STAM2: variants seen among roughly 807,000 people sequenced by gnomAD.
The protein encoded by STAM2 is signal transducing adaptor molecule 2.
Under a neutral mutation model 65.6 loss-of-function variants are expected in STAM2, and 51 were observed. That is an observed-to-expected ratio of 0.78 (90% CI 0.62 to 0.98). STAM2 has a LOEUF of 0.98. Ranked by LOEUF, STAM2 falls within the 50% of genes least tolerant of loss-of-function variation. The pLI, the probability that STAM2 is intolerant of heterozygous loss-of-function variation, is 0.00. For missense variants in STAM2, 584 were observed against 617.8 expected, an observed-to-expected ratio of 0.95 and a Z score of 0.58; for synonymous variants, 198 against 208.4, an observed-to-expected ratio of 0.95 and a Z score of 0.43.
chr2:152,131,889 T>G, intron 11 of STAM2: 1 of 512,124 alleles, frequency 2.0e-6, no homozygotes, highest in Non-Finnish European at 3.5e-6. Context: ...AAGTAAGCCA[T>G]GCAAAATTTT....
chr2:152,168,471 C>T (rs1011325862), intron 1 of STAM2, among the ~76,000 whole-genome samples: 28 of 152,076 alleles, frequency 1.8e-4, no homozygotes, highest in African/African-American at 6.5e-4. Context: ...AGGCCTATTA[C>T]ACGCAACACC....
At chr2:152,173,547 C>T (rs915313541) in intron 1 of STAM2, among the ~76,000 whole-genome samples, 2 of 151,884 alleles carry the variant, frequency 1.3e-5, no homozygotes, top group Admixed American at 6.6e-5. Context: ...CAGGCACGCG[C>T]CACCATGCCT....
intron 5 of STAM2, among the ~76,000 whole-genome samples, chr2:152,145,580 A>G (rs191336760): frequency 1.3e-5 from 2 of 152,338 alleles, no homozygotes; most frequent in East Asian, 1.9e-4. Context: ...CCCGATCTCA[A>G]TTGTCCAAGG....
intron 1 of STAM2, 40 bp from the exon 2 acceptor site, chr2:152,150,269 CTCATA>C (rs1207763642): frequency 1.0e-5 from 13 of 1,277,462 alleles, no homozygotes; most frequent in Non-Finnish European, 1.5e-5. Flanking sequence ...GAGGACACAT[CTCATA>C]TAACACTAAA....
intron 1 of STAM2, among the ~76,000 whole-genome samples, chr2:152,162,871 G>T (rs577658601): frequency 2.0e-5 from 3 of 151,082 alleles, no homozygotes; most frequent in Admixed American, 2.0e-4. Context: ...TGGTCACACT[G>T]GTTTCGAACT....
At chr2:152,124,007 A>G in intron 12 of STAM2, 72 bp from the exon 13 acceptor site, 1 of 1,279,784 alleles carries the variant, frequency 7.8e-7, no homozygotes, top group South Asian at 1.4e-5. Flanking sequence ...TTAAAATGTT[A>G]AAAGACTTAA....
intron 7 of STAM2, among the ~76,000 whole-genome samples, chr2:152,137,376 G>A (rs1382029992): frequency 1.3e-5 from 2 of 152,138 alleles, no homozygotes; most frequent in Non-Finnish European, 2.9e-5. Flanking sequence ...CATTTCCCAA[G>A]CATCTACTTG....
chr2:152,126,314 A>T lies in STAM2; in HGVS notation c.1091T>A (p.Leu364Ter). ...TGAGTACACTGGTGCTTCATTCACC[A>T]ATTTGTTATATAGTTCCAGAGCTTC... ...VLEALELYNK[L>*]VNEAPVYSVY... Residue 364 changes from leucine to a stop codon, truncating the protein, a stop_gained, in exon 12 of 14, where the codon TTG becomes TAG. Coordinates refer to ENST00000263904, the MANE Select transcript of STAM2 (RefSeq NM_005843.6). LOFTEE classifies it high-confidence loss of function. The T allele has an allele frequency of 6.2e-7, 1 of 1,607,046 alleles. No individual in the cohort carries two copies. Among genetic ancestry groups the T allele is most frequent in the Non-Finnish European group, 8.5e-7 (1 of 1,176,560 alleles).
intron 7 of STAM2, among the ~76,000 whole-genome samples, chr2:152,141,988 A>G (rs931374080): frequency 2.0e-5 from 3 of 152,214 alleles, no homozygotes; most frequent in Admixed American, 2.0e-4. Flanking sequence ...ATTCCACAAA[A>G]GTATAAAAAC....
chr2:152,136,199 T>C (rs1689150769), intron 7 of STAM2, among the ~76,000 whole-genome samples: 1 of 152,058 alleles, frequency 6.6e-6, no homozygotes, highest in Non-Finnish European at 1.5e-5. Context: ...TCCCAGCACT[T>C]TGGGAGGCCG....
chr2:152,147,957 A>G (rs1280735575), intron 4 of STAM2, 67 bp downstream of exon 4: 1 of 1,145,744 alleles, frequency 8.7e-7, no homozygotes, highest in Non-Finnish European at 1.3e-6. Context: ...AATGCCACAT[A>G]TAGTTATAAT....
intron 13 of STAM2, among the ~76,000 whole-genome samples, chr2:152,122,840 C>A (rs536955307): frequency 1.8e-4 from 28 of 152,070 alleles, no homozygotes; most frequent in Non-Finnish European, 2.8e-4. Context: ...CCACAGCAGG[C>A]AGATCCCTTG....
chr2:152,153,932 A>G (rs1172391613), intron 1 of STAM2, among the ~76,000 whole-genome samples: 3 of 151,956 alleles, frequency 2.0e-5, no homozygotes, highest in Non-Finnish European at 4.4e-5. Flanking sequence ...AAAAATAATA[A>G]AAGTTAATGC....
chr2:152,124,510 GA>G (rs1426798968), intron 12 of STAM2: 1 of 152,238 alleles, frequency 6.6e-6, no homozygotes, highest in African/African-American at 2.4e-5. Context: ...GTATCCTCAG[GA>G]AACAGCAAAA....
rs10524193 is a variant in STAM2 at position 152,159,094 on chromosome 2, C to CATATATATAT, written c.41-8875_41-8866dup. Among the ~76,000 whole-genome samples, 173 of 103,016 alleles carry CATATATATAT rather than the reference C, an allele frequency of 1.7e-3. 15 individuals carry two copies. Among genetic ancestry groups the CATATATATAT allele is most frequent in the African/African-American group, 6.3e-3 (140 of 22,228 alleles). 67.6% of individuals were successfully genotyped at this position (103,016 alleles called of 152,430 possible). On this transcript the variant is annotated intron_variant, in intron 1 of 13. Transcript: ENST00000263904. ...CAAGAAAAGCTAGCCAAAAAAAAAC[C>CATATATATAT]ATATATATATATATATACACACACA...
At chr2:152,140,267 T>A (rs1325663838) in intron 7 of STAM2, among the ~76,000 whole-genome samples, 1 of 152,116 alleles carries the variant, frequency 6.6e-6, no homozygotes, top group Non-Finnish European at 1.5e-5. Flanking sequence ...GAAAATTAAG[T>A]CTGTGGAAAT....
intron 1 of STAM2, among the ~76,000 whole-genome samples, chr2:152,165,282 T>A (rs1689755967): frequency 6.6e-6 from 1 of 151,630 alleles, no homozygotes; most frequent in African/African-American, 2.4e-5. Flanking sequence ...ATACAAAAAA[T>A]TATCTGGGCA....
intron 1 of STAM2, among the ~76,000 whole-genome samples, chr2:152,171,028 C>A (rs1689889565): frequency 2.0e-5 from 3 of 152,068 alleles, no homozygotes; most frequent in Non-Finnish European, 4.4e-5. Flanking sequence ...ACAAAAGTTG[C>A]AGAATGACAA....
intron 7 of STAM2, among the ~76,000 whole-genome samples, chr2:152,137,317 C>T (rs555146245): frequency 6.6e-6 from 1 of 152,328 alleles, no homozygotes; most frequent in South Asian, 2.1e-4. Flanking sequence ...TCCCAACTAA[C>T]ACTTGATAAT....
Sources: allele counts gnomAD v4.1 joint callset (sites outside exome capture counted in the v4.1 genomes callset), GRCh38; gene constraint gnomAD v4.1.1; transcripts MANE v1.5; gene names NCBI Gene and HGNC (gene_info 2026-07-23, HGNC 2026-07-21).